Variants in LRRC40 observed in about 807,000 individuals in gnomAD.
LRRC40 encodes the protein leucine-rich repeat-containing protein 40.
LRRC40 carries 76 observed loss-of-function variants against 72.8 expected under a neutral mutation model. The ratio of observed to expected loss-of-function variants is 1.04; its 90% CI spans 0.87 to 1.26. The LOEUF (loss-of-function observed/expected upper bound fraction) is 1.26. Ranked by LOEUF, LRRC40 falls within the 50% of genes most tolerant of loss-of-function variation. LRRC40 has a pLI of 0.00. For synonymous variants in LRRC40, 243 were observed against 254.2 expected, an observed-to-expected ratio of 0.96 and a Z score of 0.42; for missense variants, 684 against 698.9, an observed-to-expected ratio of 0.98 and a Z score of 0.24.
In LRRC40 at chr1:70,153,112, G is replaced by C. The variant is rs966514922; in HGVS notation, c.1329-569C>G. Among the ~76,000 whole-genome samples the C allele has an allele frequency of 5.3e-5, 8 of 152,210 alleles. No individual in the cohort carries two copies. In the East Asian group the frequency reaches 1.5e-3, roughly 29 times the overall value. On this transcript the variant is annotated intron_variant, in intron 11 of 14. Transcript: ENST00000370952. ...ACGGTGGCTCACACCTATAATCTCAGCACTTTAGGAGGCTGAGGCAGGTGG... is the reference window on the plus strand; with the variant it reads ...ACGGTGGCTCACACCTATAATCTCACCACTTTAGGAGGCTGAGGCAGGTGG...
chr1:70,182,467 T>A (rs1419222679), intron 4 of LRRC40, among the ~76,000 whole-genome samples: 13 of 152,046 alleles, frequency 8.6e-5, no homozygotes, highest in Admixed American at 8.5e-4. Context: ...ACTCTTTTAC[T>A]ATATTTGCTT....
chr1:70,152,557 A>T lies in LRRC40; in HGVS notation c.1329-14T>A, dbSNP rs1667528721. ...AGTTCTACCATCCTGAAACAAAAAT[A>T]ATTTTAAAATGTTAGCACTTGAATT... On this transcript the variant is annotated splice_polypyrimidine_tract_variant and intron_variant, in intron 11 of 14. Coordinates refer to ENST00000370952, the MANE Select transcript of LRRC40 (RefSeq NM_017768.5). The T allele has an allele frequency of 7.2e-7, 1 of 1,394,014 alleles. No homozygotes were observed. The allele number at this position is 1,394,014 out of a possible 1,614,324, so 86.4% of individuals were successfully genotyped here.
At chr1:70,179,445 T>G (rs538597953) in intron 5 of LRRC40, among the ~76,000 whole-genome samples, 1 of 152,072 alleles carries the variant, frequency 6.6e-6, no homozygotes, top group Non-Finnish European at 1.5e-5. Context: ...TATGATCATG[T>G]CATTGCACCC....
At chr1:70,161,364 G>A (rs571344408) in intron 9 of LRRC40, among the ~76,000 whole-genome samples, 1 of 151,934 alleles carries the variant, frequency 6.6e-6, no homozygotes, top group Non-Finnish European at 1.5e-5. Flanking sequence ...GATTACAGGC[G>A]TGAGCCACCA....
chr1:70,179,054 T>C (rs1169993349), intron 5 of LRRC40, 61 bp from the exon 6 acceptor site: 11 of 1,069,544 alleles, frequency 1.0e-5, no homozygotes, highest in Non-Finnish European at 1.4e-5. Flanking sequence ...TCTGATCGTA[T>C]ACAACTTTAA....
chr1:70,166,716 C>T (rs535233509), intron 9 of LRRC40, among the ~76,000 whole-genome samples: 75 of 151,382 alleles, frequency 5.0e-4, no homozygotes, highest in Middle Eastern at 6.9e-3. Context: ...ATTACTCTCT[C>T]AGGCTTTGAA....
rs1667240322 is a variant in LRRC40 at position 70,144,807 on chromosome 1, A to C, written c.*993T>G. The C allele has an allele frequency of 6.6e-6, 1 of 152,048 alleles. No individual in the cohort carries two copies. Among genetic ancestry groups the C allele is most frequent in the South Asian group, 2.1e-4 (1 of 4,816 alleles). 9.4% of individuals were successfully genotyped at this position (152,048 alleles called of 1,614,324 possible). A position where few individuals can be genotyped will look rare whatever the true frequency, so the allele number is the denominator to read the frequency against. ...AAATGAAAACATAAACATTGTAATC[A>C]ATATTTGAAAAATGTAACTTTTATT... On this transcript the variant is annotated 3_prime_UTR_variant, in exon 15 of 15. Transcript: ENST00000370952.
chr1:70,151,745 T>A (rs1048938621), intron 12 of LRRC40: 5 of 152,008 alleles, frequency 3.3e-5, no homozygotes, highest in African/African-American at 1.2e-4. Context: ...TTTTTTTTTT[T>A]AGCTCTTACA....
In LRRC40 at chr1:70,145,587, A is replaced by C. The variant is rs952985062; in HGVS notation, c.*213T>G. 1 of 367,450 alleles carries C rather than the reference A, an allele frequency of 2.7e-6. No individual in the cohort carries two copies. Among genetic ancestry groups the C allele is most frequent in the Non-Finnish European group, 4.9e-6 (1 of 204,986 alleles). 22.8% of individuals were successfully genotyped at this position (367,450 alleles called of 1,614,324 possible). ...GTTATCACCATTACAAATGTATACA[A>C]CACCTTACAAAAATCTTAAATAAAA... On this transcript the variant is annotated 3_prime_UTR_variant, in exon 15 of 15. Coordinates refer to ENST00000370952, the MANE Select transcript of LRRC40 (RefSeq NM_017768.5).
chr1:70,187,923 T>A (rs1358753482), intron 2 of LRRC40, among the ~76,000 whole-genome samples: 1 of 142,246 alleles, frequency 7.0e-6, no homozygotes, highest in Admixed American at 6.9e-5. Context: ...TCAACCACTT[T>A]AAATATTATA....
At chr1:70,174,220 C>A (rs1011433769) in intron 7 of LRRC40, among the ~76,000 whole-genome samples, 3 of 151,986 alleles carry the variant, frequency 2.0e-5, no homozygotes, top group African/African-American at 7.2e-5. Flanking sequence ...TCAATAAAAT[C>A]TATTAAGCAT....
chr1:70,191,454 A>C (rs1484667994), intron 1 of LRRC40, among the ~76,000 whole-genome samples: 1 of 152,174 alleles, frequency 6.6e-6, no homozygotes, highest in Admixed American at 6.6e-5. Flanking sequence ...CTGAGTATTA[A>C]TGTTTTATTA....
chr1:70,175,000 A>C (rs934519318), intron 7 of LRRC40, among the ~76,000 whole-genome samples: 10 of 152,138 alleles, frequency 6.6e-5, no homozygotes, highest in African/African-American at 2.4e-4. Flanking sequence ...TGTTGCTATG[A>C]GAGTAGAAAT....
chr1:70,172,392 C>T (rs147712660), intron 9 of LRRC40, among the ~76,000 whole-genome samples: 69 of 152,206 alleles, frequency 4.5e-4, no homozygotes, highest in African/African-American at 1.3e-3. Flanking sequence ...TATGGAAGTA[C>T]ACCTTTAAAA....
rs1179018637 is a variant in LRRC40, at chr1:70,153,631, C to T, written c.1329-1088G>A. ...AACCTTAAAGTATACAGTTAAATTA[C>T]ATTTTTAAAGTATGGTTTATAAACA... On this transcript the variant is annotated intron_variant, in intron 11 of 14. Coordinates refer to ENST00000370952, the MANE Select transcript of LRRC40 (RefSeq NM_017768.5). Among the ~76,000 whole-genome samples the T allele has an allele frequency of 2.0e-5, 3 of 152,052 alleles. No individual in the cohort carries two copies. The South Asian group carries it at 6.2e-4, about 31-fold the overall frequency.
chr1:70,167,304 A>G (rs1227380176), intron 9 of LRRC40, among the ~76,000 whole-genome samples: 1 of 152,050 alleles, frequency 6.6e-6, no homozygotes, highest in Non-Finnish European at 1.5e-5. Flanking sequence ...TCATGCCTAT[A>G]ATCCCAGCAC....
intron 13 of LRRC40, 42 bp downstream of exon 13, chr1:70,151,086 A>G (rs1165828377): frequency 2.6e-6 from 3 of 1,139,548 alleles, no homozygotes; most frequent in African/African-American, 1.6e-5. Context: ...AAAGATCTAC[A>G]TATTTCCACA....
intron 4 of LRRC40, 58 bp from the exon 5 acceptor site, chr1:70,181,267 T>C: frequency 9.0e-7 from 1 of 1,117,056 alleles, no homozygotes; most frequent in East Asian, 2.9e-5. Context: ...AAATAAATAA[T>C]GCCCTAAAAA....
At chr1:70,160,059 A>G (rs1667723449) in intron 9 of LRRC40, among the ~76,000 whole-genome samples, 1 of 152,194 alleles carries the variant, frequency 6.6e-6, no homozygotes, top group Non-Finnish European at 1.5e-5. Flanking sequence ...ACTGTTTAAC[A>G]CTGTCATCAT....
Sources: allele counts gnomAD v4.1 joint callset (sites outside exome capture counted in the v4.1 genomes callset), GRCh38; gene constraint gnomAD v4.1.1; transcripts MANE v1.5; gene names NCBI Gene and HGNC (gene_info 2026-07-23, HGNC 2026-07-21).